PRPF31: variants seen among roughly 807,000 people sequenced by gnomAD.
PRPF31 encodes the protein pre-mRNA processing factor 31.
In PRPF31, 12 loss-of-function variants were observed where a neutral mutation model predicts 60.4. The observed-to-expected ratio is 0.20, with a 90% CI of 0.13 to 0.32. The LOEUF (loss-of-function observed/expected upper bound fraction) is 0.32. PRPF31 is among the 10% of genes least tolerant of loss of function. The pLI is 1.00. For missense variants in PRPF31, 431 were observed against 687.1 expected, an observed-to-expected ratio of 0.63 and a Z score of 4.17; for synonymous variants, 287 against 287.9, an observed-to-expected ratio of 1.00 and a Z score of 0.03.
chr19:54,121,957 G>A lies in PRPF31; in HGVS notation c.322+14G>A, dbSNP rs1372142127. 2.5e-6 allele frequency: 4 copies of A among 1,606,946 alleles called. No homozygotes were observed. Among genetic ancestry groups the A allele is most frequent in the East Asian group, 4.5e-5 (2 of 44,640 alleles). On this transcript the variant is annotated intron_variant, in intron 4 of 13. Transcript: ENST00000321030. ...AAAACGAGCTGAGTGAGTGCTGGGG[G>A]GCAGGCGGAGACAGCCCCGTGTGAC...
chr19:54,127,423 G>T (rs1336669648), intron 9 of PRPF31, among the ~76,000 whole-genome samples: 1 of 152,106 alleles, frequency 6.6e-6, no homozygotes, highest in Non-Finnish European at 1.5e-5. Context: ...AAGGGCCCCT[G>T]TGGCTATACT....
chr19:54,122,991 C>T (rs768501173), intron 5 of PRPF31: 43 of 449,318 alleles, frequency 9.6e-5, no homozygotes, highest in Admixed American at 3.5e-5. Context: ...GGGAAGAGGT[C>T]GGATCACGTC....
At chr19:54,131,233 G>T in intron 13 of PRPF31, 74 bp from the exon 14 acceptor site, 1 of 1,584,788 alleles carries the variant, frequency 6.3e-7, no homozygotes, top group Non-Finnish European at 8.7e-7. Context: ...GGAAGGGCCT[G>T]GGGGGCTCTG....
Position 54,122,031 on chromosome 19 carries a change from G to A in PRPF31, c.322+88G>A, listed in dbSNP as rs192070050. On this transcript the variant is annotated intron_variant, in intron 4 of 13. Transcript: ENST00000321030. ...CCCCACTGGCCTTTCCCAGGGTCCT[G>A]CCCCTAAGCCCAAGCTCAGATCGAG... 34 of 1,350,840 alleles carry A rather than the reference G, an allele frequency of 2.5e-5. No homozygotes were observed. In the African/African-American group the frequency reaches 3.4e-4, roughly 14 times the overall value. The allele number at this position is 1,350,840 out of a possible 1,614,324, so 83.7% of individuals were successfully genotyped here. A position where few individuals can be genotyped will look rare whatever the true frequency, so the allele number is the denominator to read the frequency against.
chr19:54,122,901 T>C (rs1227540373), intron 5 of PRPF31: 8 of 537,318 alleles, frequency 1.5e-5, no homozygotes, highest in Admixed American at 3.1e-5. Flanking sequence ...ACACGGAGAT[T>C]TGGGGGAGAG....
intron 8 of PRPF31, chr19:54,125,151 G>T: frequency 4.6e-6 from 1 of 219,528 alleles, no homozygotes; most frequent in Non-Finnish European, 9.3e-6. Context: ...TCTCCCTGCA[G>T]TCGGGACACA....
At chr19:54,124,285 C>A (rs1230692334) in intron 7 of PRPF31, 15 of 641,298 alleles carry the variant, frequency 2.3e-5, no homozygotes, top group Non-Finnish European at 3.0e-5. Context: ...CCTCCCTGCA[C>A]CCCCAGGCCA....
intron 8 of PRPF31, 60 bp downstream of exon 8, chr19:54,124,716 G>C: frequency 6.4e-7 from 1 of 1,572,382 alleles, no homozygotes. Flanking sequence ...GCTGTGCCCA[G>C]ACAGCCTGAG....
At chr19:54,117,294 C>T (rs1190866094) in intron 1 of PRPF31, among the ~76,000 whole-genome samples, 3 of 152,028 alleles carry the variant, frequency 2.0e-5, no homozygotes, top group African/African-American at 7.2e-5. Context: ...TGAGAAATGG[C>T]CAAGCTAATG....
In PRPF31 at chr19:54,122,485, C is replaced by T. The variant is rs374154848; in HGVS notation, c.323-12C>T. ...CATCTCACCCGACAACCTCCTGTCCCGTTTACCCTAGACATCATCCATAAG... is the reference window on the plus strand; with the variant it reads ...CATCTCACCCGACAACCTCCTGTCCTGTTTACCCTAGACATCATCCATAAG... On this transcript the variant is annotated splice_polypyrimidine_tract_variant and intron_variant, in intron 4 of 13. Coordinates refer to ENST00000321030, the MANE Select transcript of PRPF31 (RefSeq NM_015629.4). 14 of 1,602,948 alleles carry T rather than the reference C, an allele frequency of 8.7e-6. No individual in the cohort carries two copies. The highest frequency in any genetic ancestry group is 5.0e-5 in the Admixed American group (3 of 59,996).
chr19:54,119,243 G>A (rs1203150974), intron 3 of PRPF31, among the ~76,000 whole-genome samples: 1 of 151,866 alleles, frequency 6.6e-6, no homozygotes, highest in Non-Finnish European at 1.5e-5. Context: ...TTAGCCAGGC[G>A]TGGTGGCGGG....
At chr19:54,122,145 C>T (rs146982942) in intron 4 of PRPF31, 310 of 676,810 alleles carry the variant, frequency 4.6e-4, no homozygotes, top group African/African-American at 4.5e-3. Context: ...ATGGTGTGGC[C>T]GCTTGGCTGC....
chr19:54,127,515 C>T (rs894930779), intron 9 of PRPF31, among the ~76,000 whole-genome samples: 1 of 149,968 alleles, frequency 6.7e-6, no homozygotes, highest in Non-Finnish European at 1.5e-5. Flanking sequence ...TCCCTTTTGC[C>T]CTGTGATTCT....
At chr19:54,123,396 A>T in intron 5 of PRPF31, 58 bp from the exon 6 acceptor site, 1 of 1,289,526 alleles carries the variant, frequency 7.8e-7, no homozygotes. Context: ...TGAGCAAGAG[A>T]GGTTCTCGAG....
At chr19:54,129,655 C>T (rs185403232) in intron 13 of PRPF31, among the ~76,000 whole-genome samples, 62 of 133,244 alleles carry the variant, frequency 4.7e-4, no homozygotes, top group Middle Eastern at 3.4e-3. Context: ...GAGCGGGTAA[C>T]ACTGCTCAGC....
chr19:54,116,659 A>G (rs2073649126), intron 1 of PRPF31, among the ~76,000 whole-genome samples: 2 of 152,240 alleles, frequency 1.3e-5, no homozygotes, highest in African/African-American at 2.4e-5. Context: ...ATTAATCACA[A>G]ATGTGTGAAG....
Position 54,121,921 on chromosome 19 carries a change from C to A in PRPF31, c.300C>A (p.Thr100=). The part of the protein sequence containing the change: ...YRVIVDANNL[T]VEIENELNII... Reference sequence around the variant, plus strand: ...TCATCGTGGATGCCAACAACCTGACCGTGGAGATCGAAAACGAGCTGAGTG... The same window carrying A: ...TCATCGTGGATGCCAACAACCTGACAGTGGAGATCGAAAACGAGCTGAGTG... Residue 100 remains threonine (T), a synonymous_variant, in exon 4 of 14, where the codon ACC becomes ACA. Transcript: ENST00000321030. 1 of 1,612,690 alleles carries A rather than the reference C, an allele frequency of 6.2e-7. No homozygotes were observed.
At chr19:54,130,092 T>C (rs56129476) in intron 13 of PRPF31, among the ~76,000 whole-genome samples, 69 of 125,302 alleles carry the variant, frequency 5.5e-4, no homozygotes, top group Middle Eastern at 5.3e-3. Flanking sequence ...CAGTAAGATG[T>C]CCAGTGTAGG....
chr19:54,128,932 G>T, intron 11 of PRPF31, 125 bp from the exon 12 acceptor site: 1 of 995,458 alleles, frequency 1.0e-6, no homozygotes, highest in East Asian at 2.6e-5. Flanking sequence ...GTGGGTACCG[G>T]AGCAGGTGCC....
Sources: gnomAD v4.1 joint callset for allele counts (sites outside exome capture counted in the v4.1 genomes callset) on GRCh38, gnomAD v4.1.1 for gene constraint, MANE v1.5 for transcripts, NCBI Gene and HGNC (gene_info 2026-07-23, HGNC 2026-07-21) for gene names.